The following RSRC1 variants were observed in gnomAD, a reference collection of about 807,000 sequenced individuals.
RSRC1 encodes the protein serine/Arginine-related protein 53.
RSRC1 carries 39 observed loss-of-function variants against 49.1 expected under a neutral mutation model. That is an observed-to-expected ratio of 0.79 (90% CI 0.61 to 1.04). RSRC1 has a LOEUF of 1.04. RSRC1 is among the 50% of genes least tolerant of loss of function. The probability of loss-of-function intolerance (pLI) is 0.00; values close to 1 mark genes in which losing one functional copy is unlikely to be tolerated. For missense variants in RSRC1, 388 were observed against 402.4 expected (o/e 0.96, Z 0.31); for synonymous variants, 143 against 130.8 (o/e 1.09, Z -0.63).
At chr3:158,367,909 A>C (rs965328956) in intron 6 of RSRC1, among the ~76,000 whole-genome samples, 11 of 152,198 alleles carry the variant, frequency 7.2e-5, no homozygotes, top group African/African-American at 2.4e-4. Context: ...TAATCCAAAA[A>C]GATAAAATTG....
chr3:158,306,265 G>A (rs531403644), intron 5 of RSRC1, among the ~76,000 whole-genome samples: 96 of 151,758 alleles, frequency 6.3e-4, no homozygotes, highest in Non-Finnish European at 1.3e-3. Flanking sequence ...GCATATATAT[G>A]CATATATTAC....
chr3:158,253,859 G>A (rs906276068), intron 4 of RSRC1, among the ~76,000 whole-genome samples: 3 of 152,014 alleles, frequency 2.0e-5, no homozygotes, highest in Admixed American at 6.6e-5. Context: ...TTGGTTTACT[G>A]CACCCATCAA....
At chr3:158,145,860 T>C (rs964787571) in intron 3 of RSRC1, among the ~76,000 whole-genome samples, 8 of 152,200 alleles carry the variant, frequency 5.3e-5, no homozygotes, top group African/African-American at 1.9e-4. Context: ...CCCTTGTAAG[T>C]TGGATTCCTA....
chr3:158,287,281 T>G (rs982575588), intron 4 of RSRC1, among the ~76,000 whole-genome samples: 2 of 152,200 alleles, frequency 1.3e-5, no homozygotes, highest in Non-Finnish European at 2.9e-5. Flanking sequence ...AAATTGTATT[T>G]TAAAATTACA....
chr3:158,253,986 AT>A (rs1271118562), intron 4 of RSRC1, among the ~76,000 whole-genome samples: 1 of 152,022 alleles, frequency 6.6e-6, no homozygotes, highest in Non-Finnish European at 1.5e-5. Flanking sequence ...TCATTGTTCA[AT>A]TCCCAACTGT....
intron 3 of RSRC1, among the ~76,000 whole-genome samples, chr3:158,184,986 A>G (rs1345747875): frequency 1.3e-5 from 2 of 150,412 alleles, no homozygotes; most frequent in East Asian, 3.9e-4. Flanking sequence ...CAAAGCACAT[A>G]GTTTTCGGAG....
intron 7 of RSRC1, among the ~76,000 whole-genome samples, chr3:158,504,746 A>G (rs184109359): frequency 2.6e-5 from 4 of 152,364 alleles, no homozygotes; most frequent in South Asian, 2.1e-4. Context: ...GCTGGAGGCT[A>G]TATAAATACA....
intron 3 of RSRC1, among the ~76,000 whole-genome samples, chr3:158,168,129 C>G (rs1225062601): frequency 6.6e-6 from 1 of 152,148 alleles, no homozygotes; most frequent in Non-Finnish European, 1.5e-5. Context: ...TGTGGCTTCC[C>G]TCTACAATAG....
chr3:158,501,310 G>A (rs1315047105), intron 7 of RSRC1, among the ~76,000 whole-genome samples: 1 of 152,108 alleles, frequency 6.6e-6, no homozygotes, highest in Non-Finnish European at 1.5e-5. Flanking sequence ...AGTTCCATGA[G>A]CTGTTGAATA....
At position 158,137,757 on chromosome 3, in the gene RSRC1, G is replaced by A. The variant is rs544279733; in HGVS notation, c.320+13766G>A. On this transcript the variant is annotated intron_variant, in intron 3 of 9. Transcript: ENST00000611884. ...CGACCTCCGCCTCCTGGGTTGAAGC[G>A]ATTCTCCTGCCTCAGCCTCCCGAGT... 5.3e-5 allele frequency among the ~76,000 whole-genome samples: 8 copies of A among 151,388 alleles called. No individual in the cohort carries two copies. The South Asian group carries it at 1.7e-3, about 32-fold the overall frequency.
chr3:158,210,792 A>T (rs1227886224), intron 4 of RSRC1, among the ~76,000 whole-genome samples: 1 of 152,104 alleles, frequency 6.6e-6, no homozygotes, highest in Non-Finnish European at 1.5e-5. Context: ...CAGCAAAAGC[A>T]GGAGACAAGG....
chr3:158,422,928 G>T (rs1318014443), intron 6 of RSRC1, among the ~76,000 whole-genome samples: 73 of 151,868 alleles, frequency 4.8e-4, no homozygotes, highest in African/African-American at 1.6e-3. Context: ...GGGTTGTTTG[G>T]TTTTTTCTTG....
chr3:158,222,661 T>C (rs1178054823), intron 4 of RSRC1, among the ~76,000 whole-genome samples: 1 of 151,644 alleles, frequency 6.6e-6, no homozygotes, highest in Non-Finnish European at 1.5e-5. Flanking sequence ...CTTCTTAAAT[T>C]GTTTGACCAT....
intron 8 of RSRC1, among the ~76,000 whole-genome samples, chr3:158,541,775 T>C (rs1468870903): frequency 6.6e-6 from 1 of 152,212 alleles, no homozygotes; most frequent in Non-Finnish European, 1.5e-5. Flanking sequence ...TAATTTCAGC[T>C]TCTGATCTAA....
chr3:158,440,815 G>C (rs371971527), intron 6 of RSRC1, among the ~76,000 whole-genome samples: 2 of 151,968 alleles, frequency 1.3e-5, no homozygotes, highest in Non-Finnish European at 2.9e-5. Context: ...TGGTGGCGCT[G>C]CCTGTAATCC....
chr3:158,302,648 G>A (rs1559983954), intron 5 of RSRC1: 4 of 74,490 alleles, frequency 5.4e-5, no homozygotes, highest in Non-Finnish European at 1.0e-4. Flanking sequence ...CTGACTCCAT[G>A]TTTTTTTCTT....
chr3:158,445,574 G>C (rs770051398), intron 6 of RSRC1, among the ~76,000 whole-genome samples: 10 of 151,856 alleles, frequency 6.6e-5, no homozygotes, highest in African/African-American at 1.9e-4. Flanking sequence ...TAATGGGTGC[G>C]GCACACCAAC....
intron 6 of RSRC1, among the ~76,000 whole-genome samples, chr3:158,379,728 T>G (rs1340974019): frequency 6.6e-6 from 1 of 151,568 alleles, no homozygotes; most frequent in Non-Finnish European, 1.5e-5. Context: ...CCTAGCTTAC[T>G]CTCTTGCCTC....
chr3:158,393,235 A>T (rs1242461581), intron 6 of RSRC1, among the ~76,000 whole-genome samples: 1 of 152,000 alleles, frequency 6.6e-6, no homozygotes, highest in Non-Finnish European at 1.5e-5. Context: ...CAAATTATCA[A>T]CCTAGCATCA....
Sources: gnomAD v4.1 joint callset for allele counts (sites outside exome capture counted in the v4.1 genomes callset) on GRCh38, gnomAD v4.1.1 for gene constraint, MANE v1.5 for transcripts, NCBI Gene and HGNC (gene_info 2026-07-23, HGNC 2026-07-21) for gene names.